Variants in STK10 observed in about 807,000 individuals in gnomAD.
STK10 encodes the protein serine/threonine kinase 10.
In STK10, 78 loss-of-function variants were observed where a neutral mutation model predicts 113.8. That is an observed-to-expected ratio of 0.69 (90% CI 0.57 to 0.83). The LOEUF is 0.83. STK10 is among the 40% of genes least tolerant of loss of function. The pLI, the probability that STK10 is intolerant of heterozygous loss-of-function variation, is 0.00. For synonymous variants in STK10, 465 were observed against 494.7 expected, an observed-to-expected ratio of 0.94 and a Z score of 0.80; for missense variants, 1,109 against 1,280.1, an observed-to-expected ratio of 0.87 and a Z score of 2.04.
rs536329126 is a variant in STK10 at position 172,081,628 on chromosome 5, A to T, written c.1989+698T>A. Among the ~76,000 whole-genome samples the T allele has an allele frequency of 4.1e-4, 63 of 152,162 alleles. No individual in the cohort carries two copies. In the South Asian group the frequency reaches 0.012, roughly 30 times the overall value. On this transcript the variant is annotated intron_variant, in intron 12 of 18. Coordinates refer to ENST00000176763, the MANE Select transcript of STK10 (RefSeq NM_005990.4). ...CCCAAGGCCTCTGGGATGCCCCCGA[A>T]TGTCATGCCCACCATGGTAAAGTCT... is the stretch of plus-strand genomic sequence containing the variant.
intron 2 of STK10, among the ~76,000 whole-genome samples, chr5:172,129,245 G>C (rs1213180658): frequency 6.6e-6 from 1 of 152,216 alleles, no homozygotes; most frequent in African/African-American, 2.4e-5. Flanking sequence ...AGAGATACTA[G>C]GTTCCAGGGG....
chr5:172,162,522 A>G (rs1212230114), intron 1 of STK10, among the ~76,000 whole-genome samples: 1 of 151,938 alleles, frequency 6.6e-6, no homozygotes, highest in East Asian at 1.9e-4. Context: ...ATTTCTGTAC[A>G]TCCCCACCAG....
chr5:172,055,893 G>A, intron 15 of STK10, 117 bp from the exon 16 acceptor site: 2 of 774,344 alleles, frequency 2.6e-6, no homozygotes, highest in East Asian at 3.2e-5. Context: ...AGCCCACAAT[G>A]TTCAGCAGAT....
chr5:172,056,993 A>AAGAAAGAAAGAAAGAAAGAGAGAGAGAG (rs1561790200), intron 15 of STK10: 3 of 51,976 alleles, frequency 5.8e-5, no homozygotes, highest in African/African-American at 2.3e-4. Context: ...GAAAGAAAGA[A>AAGAAAGAAAGAAAGAAAGAGAGAGAGAG]AGAGAAAGAA....
intron 1 of STK10, among the ~76,000 whole-genome samples, chr5:172,184,138 G>GT (rs1238288583): frequency 4.6e-5 from 7 of 152,140 alleles, no homozygotes; most frequent in Non-Finnish European, 8.8e-5. Flanking sequence ...CTCAGGTGCC[G>GT]TGTCAAAATG....
intron 10 of STK10, among the ~76,000 whole-genome samples, chr5:172,083,926 A>G (rs1284241164): frequency 2.4e-5 from 2 of 83,456 alleles, no homozygotes; most frequent in Non-Finnish European, 4.6e-5. Flanking sequence ...CAAAAAAAAG[A>G]AAAAAAAAAA....
At chr5:172,048,823 A>G (rs1767559644) in intron 18 of STK10, among the ~76,000 whole-genome samples, 1 of 150,702 alleles carries the variant, frequency 6.6e-6, no homozygotes, top group South Asian at 2.1e-4. Flanking sequence ...GCCAGACTTT[A>G]CGCAGGCCCC....
In STK10 at chr5:172,115,591, G is replaced by A. The variant is rs3776767; in HGVS notation, c.520+1890C>T. On this transcript the variant is annotated intron_variant, in intron 4 of 18. Transcript: ENST00000176763. ...TTTTCCTGTCTGCCTTAACTCTTAG[G>A]AAGTGGGTTTTTATCATTTGCCACT... Among the ~76,000 whole-genome samples the A allele has an allele frequency of 2.4e-4, 36 of 152,292 alleles. 1 individual carries two copies. The East Asian group carries it at 6.6e-3, about 28-fold the overall frequency.
chr5:172,145,212 G>C (rs1485444319), intron 2 of STK10, among the ~76,000 whole-genome samples: 1 of 152,202 alleles, frequency 6.6e-6, no homozygotes, highest in African/African-American at 2.4e-5. Flanking sequence ...GCTCTGCTAA[G>C]GACAGTGCTG....
In STK10 at chr5:172,043,881, G is replaced by A. The variant is rs1244531787; in HGVS notation, c.*1001C>T. The stretch of plus-strand genomic sequence containing the variant: ...AACACAGTCGGGGGGATGGGGCAGA[G>A]GCAAACAGCCCTCCTGTTTCACCTG... On this transcript the variant is annotated 3_prime_UTR_variant, in exon 19 of 19. Coordinates refer to ENST00000176763, the MANE Select transcript of STK10 (RefSeq NM_005990.4). 6.6e-6 allele frequency: 1 copy of A among 152,352 alleles called. No homozygotes were observed. The highest frequency in any genetic ancestry group is 1.5e-5 in the Non-Finnish European group (1 of 68,144). The allele number at this position is 152,352 out of a possible 1,614,324, so 9.4% of individuals were successfully genotyped here.
intron 1 of STK10, among the ~76,000 whole-genome samples, chr5:172,169,583 G>A (rs1360069417): frequency 2.0e-5 from 3 of 152,116 alleles, no homozygotes; most frequent in African/African-American, 7.2e-5. Context: ...GCATGAATGG[G>A]TGTGCATGAG....
At chr5:172,130,863 G>A (rs1014233341) in intron 2 of STK10, among the ~76,000 whole-genome samples, 14 of 152,118 alleles carry the variant, frequency 9.2e-5, no homozygotes, top group Non-Finnish European at 1.9e-4. Flanking sequence ...TCACCAGTAA[G>A]TTTCATGCTT....
At position 172,057,498 on chromosome 5, in the gene STK10, G is replaced by A. The variant is rs760440410; in HGVS notation, c.2213-25C>T. On this transcript the variant is annotated intron_variant, in intron 14 of 18. Transcript: ENST00000176763. ...TCTGCAGAGGACATGCCACCGAGCT[G>A]GTGAGGTGCTGACAACCAGAGACTC... 3.2e-6 allele frequency: 5 copies of A among 1,539,656 alleles called. No homozygotes were observed. In the Admixed American group the frequency reaches 7.9e-5, roughly 24 times the overall value.
At chr5:172,095,733 G>A (rs1289216070) in intron 8 of STK10, among the ~76,000 whole-genome samples, 1 of 152,202 alleles carries the variant, frequency 6.6e-6, no homozygotes, top group African/African-American at 2.4e-5. Context: ...CAAGGATGTG[G>A]GCCAGCTCCA....
At chr5:172,164,766 G>A (rs1770534676) in intron 1 of STK10, among the ~76,000 whole-genome samples, 1 of 152,184 alleles carries the variant, frequency 6.6e-6, no homozygotes, top group Non-Finnish European at 1.5e-5. Flanking sequence ...TGAGGCCCAC[G>A]TGGGAGTTGG....
chr5:172,143,890 A>G (rs1457585398), intron 2 of STK10, among the ~76,000 whole-genome samples: 2 of 152,240 alleles, frequency 1.3e-5, no homozygotes. Context: ...AGTAGCCTTA[A>G]GATGCCCAGA....
chr5:172,047,245 C>G (rs975566392), intron 18 of STK10, among the ~76,000 whole-genome samples: 13 of 152,148 alleles, frequency 8.5e-5, no homozygotes. Context: ...AGAGGCAGCC[C>G]CCACAGGCAA....
At chr5:172,112,775 T>C (rs939809818) in intron 4 of STK10, among the ~76,000 whole-genome samples, 2 of 151,442 alleles carry the variant, frequency 1.3e-5, no homozygotes, top group Non-Finnish European at 2.9e-5. Flanking sequence ...AGATGGAGTT[T>C]CATTCTTGTT....
intron 7 of STK10, among the ~76,000 whole-genome samples, 160 bp from the exon 8 acceptor site, chr5:172,096,720 A>G (rs966890911): frequency 6.6e-6 from 1 of 152,154 alleles, no homozygotes; most frequent in Admixed American, 6.5e-5. Flanking sequence ...GAAAGTCCCA[A>G]GTGTGTTGGA....
Sources: allele counts gnomAD v4.1 joint callset (sites outside exome capture counted in the v4.1 genomes callset), GRCh38; gene constraint gnomAD v4.1.1; transcripts MANE v1.5; gene names NCBI Gene and HGNC (gene_info 2026-07-23, HGNC 2026-07-21).